Variants in GSTM2 observed in about 807,000 individuals in gnomAD.
The protein encoded by GSTM2 is glutathione S-transferase mu 2.
In GSTM2, 33 loss-of-function variants were observed where a neutral mutation model predicts 33.3. That is an observed-to-expected ratio of 0.99 (90% CI 0.75 to 1.33). GSTM2 has a LOEUF of 1.33. GSTM2 is among the 40% of genes most tolerant of loss of function. The pLI is 0.00. For synonymous variants in GSTM2, 93 were observed against 95.6 expected, an observed-to-expected ratio of 0.97 and a Z score of 0.16; for missense variants, 213 against 265.8, an observed-to-expected ratio of 0.80 and a Z score of 1.38.
chr1:109,673,376 A>T (rs546745440), intron 7 of GSTM2: 1 of 1,226,036 alleles, frequency 8.2e-7, no homozygotes, highest in South Asian at 1.4e-5. Flanking sequence ...TGTGTGCTGA[A>T]CTTGTTTGAG....
At chr1:109,668,846 C>T (rs1204293028) in intron 2 of GSTM2, 79 bp from the exon 3 acceptor site, 1 of 1,557,156 alleles carries the variant, frequency 6.4e-7, no homozygotes, top group Non-Finnish European at 8.8e-7. Flanking sequence ...GGTCTTGCCA[C>T]TGGCTCCTTG....
chr1:109,669,421 CGGCTT>C, intron 4 of GSTM2, 45 bp from the exon 5 acceptor site: 1 of 1,613,282 alleles, frequency 6.2e-7, no homozygotes, highest in Non-Finnish European at 8.5e-7. Flanking sequence ...GCCTCCTCCT[CGGCTT>C]GGCTGGGCTG....
downstream of GSTM2, among the ~76,000 whole-genome samples, chr1:109,680,277 A>G (rs1398737487): frequency 2.1e-5 from 1 of 47,654 alleles, no homozygotes; most frequent in Non-Finnish European, 5.6e-5. Context: ...TAGTACACAT[A>G]GCAAAAAAAA....
Position 109,682,493 on chromosome 1 carries a change from G to A in GSTM2, c.567+10910G>A, listed in dbSNP as rs1235187653. Among the ~76,000 whole-genome samples, 16 of 102,818 alleles carry A rather than the reference G, an allele frequency of 1.6e-4. 3 individuals carry two copies. The highest frequency in any genetic ancestry group is 4.6e-4 in the African/African-American group (16 of 34,910). 67.5% of individuals were successfully genotyped at this position (102,818 alleles called of 152,430 possible). On this transcript the variant is annotated intron_variant, in intron 7 of 7. Transcript: ENST00000369831. ...CTGACCTCGTGATCCGCCCGCCTTG[G>A]CCTCCCAAAGTGTGGGGATTACAGG...
rs767565393 is a variant in GSTM2, at chr1:109,669,534, G to A, written c.323G>A (p.Arg108His). Residue 108 changes from arginine to histidine, a missense_variant, in exon 5 of 8, where the codon CGT (arginine) becomes CAT (histidine). Physicochemically the swap from Arg to His is conservative, Grantham distance 29. Transcript: ENST00000241337. ...DILENQFMDS[R>H]MQLAKLCYDP... ...TTGGAGAACCAGTTTATGGACAGCC[G>A]TATGCAGCTGGCCAAACTCTGCTAT... The A allele has an allele frequency of 6.2e-6, 10 of 1,612,446 alleles. No homozygotes were observed. Among genetic ancestry groups the A allele is most frequent in the African/African-American group, 1.3e-5 (1 of 74,878 alleles).
rs376735138 is a variant in GSTM2 at position 109,674,311 on chromosome 1, A to G, written c.568-436A>G. On this transcript the variant is annotated intron_variant, in intron 7 of 7. Transcript: ENST00000241337. ...GCAGAAGAAGAAGAGAATTTGGCAG[A>G]AAGAGGCCAGAACTGGAGAGAGACA... is the stretch of plus-strand genomic sequence containing the variant. Among the ~76,000 whole-genome samples the G allele has an allele frequency of 4.6e-3, 692 of 149,648 alleles. 22 individuals carry two copies. Among genetic ancestry groups the G allele is most frequent in the African/African-American group, 0.016 (622 of 39,182 alleles).
chr1:109,678,496 C>T (rs1459384378), downstream of GSTM2, among the ~76,000 whole-genome samples: 4 of 152,092 alleles, frequency 2.6e-5, no homozygotes, highest in Admixed American at 2.6e-4. Context: ...AGTGTGATCC[C>T]GGCACTTTGG....
intron 5 of GSTM2, 70 bp downstream of exon 5, chr1:109,669,641 G>T: frequency 2.0e-6 from 2 of 1,012,500 alleles, no homozygotes; most frequent in South Asian, 1.4e-5. Flanking sequence ...TGCAGAGTTT[G>T]TGTCCAAAAT....
At chr1:109,670,397 C>T (rs749635036) in intron 5 of GSTM2, among the ~76,000 whole-genome samples, 1 of 152,146 alleles carries the variant, frequency 6.6e-6, no homozygotes, top group African/African-American at 2.4e-5. Context: ...GCCAAATACA[C>T]GGGTCCTGTT....
At position 109,669,632 on chromosome 1, in the gene GSTM2, G is replaced by C; in HGVS notation, c.360+61G>C. 2.8e-6 allele frequency: 3 copies of C among 1,083,170 alleles called. No homozygotes were observed. In the South Asian group the frequency reaches 4.1e-5, roughly 15 times the overall value. The allele number at this position is 1,083,170 out of a possible 1,614,324, so 67.1% of individuals were successfully genotyped here. Reference sequence around the variant, plus strand: ...CCTACTCCCAGTCTCCCCTTTCCCTGCAGAGTTTGTGTCCAAAATTGATTC... The same window carrying C: ...CCTACTCCCAGTCTCCCCTTTCCCTCCAGAGTTTGTGTCCAAAATTGATTC... On this transcript the variant is annotated intron_variant, in intron 5 of 7. Coordinates refer to ENST00000241337, the MANE Select transcript of GSTM2 (RefSeq NM_000848.4).
At chr1:109,669,165 A>C in intron 3 of GSTM2, 125 bp from the exon 4 acceptor site, 1 of 1,286,362 alleles carries the variant, frequency 7.8e-7, no homozygotes, top group Non-Finnish European at 1.1e-6. Flanking sequence ...TATTAGTGTG[A>C]CAGTATTTCT....
intron 5 of GSTM2, chr1:109,670,892 A>T (rs574344): frequency 0.91 from 160,327 of 175,594 alleles, 73,319 homozygotes; most frequent in East Asian, 1. Flanking sequence ...ATTGTATTCT[A>T]CTGCTGCCCA....
rs1647541394 is a variant in GSTM2 at position 109,671,474 on chromosome 1, T to C, written c.458T>C (p.Ile153Thr). The C allele has an allele frequency of 6.2e-7, 1 of 1,606,112 alleles. No homozygotes were observed. The highest frequency in any genetic ancestry group is 8.5e-7 in the Non-Finnish European group (1 of 1,172,614). ...GKQPWFLGDK[I>T]TFVDFIAYDV... ...CCACATATCCTTGGCCTTATCCAGA[T>C]CACCTTTGTGGATTTCATCGCTTAT... is the stretch of plus-strand genomic sequence containing the variant. Residue 153 changes from isoleucine to threonine, a missense_variant and splice_region_variant, in exon 7 of 8, where the codon ATC becomes ACC. Physicochemically the swap from Ile to Thr is moderately conservative, Grantham distance 89 (BLOSUM62 -1). Coordinates refer to ENST00000241337, the MANE Select transcript of GSTM2 (RefSeq NM_000848.4).
At chr1:109,677,391 A>G (rs1647732130), downstream of GSTM2, among the ~76,000 whole-genome samples, 1 of 152,230 alleles carries the variant, frequency 6.6e-6, no homozygotes, top group African/African-American at 2.4e-5. Context: ...ACTGAAAACA[A>G]TCCAAATTCC....
chr1:109,668,876 G>A, intron 2 of GSTM2, 49 bp from the exon 3 acceptor site: 2 of 1,610,014 alleles, frequency 1.2e-6, no homozygotes, highest in Non-Finnish European at 1.7e-6. Flanking sequence ...CCAGGAAGGA[G>A]GGCTGGGCTT....
chr1:109,674,434 G>C (rs1004116021), intron 7 of GSTM2, among the ~76,000 whole-genome samples: 12 of 152,172 alleles, frequency 7.9e-5, no homozygotes, highest in Admixed American at 7.9e-4. Context: ...GGTGATAATA[G>C]ATTCAGCCTT....
intron 5 of GSTM2, 184 bp from the exon 6 acceptor site, chr1:109,671,103 G>C (rs192092731): frequency 1.7e-6 from 1 of 602,824 alleles, no homozygotes; most frequent in East Asian, 2.8e-5. Context: ...AAAGACTCCA[G>C]CTACCCAGTT....
At chr1:109,673,112 C>T (rs913500621) in intron 7 of GSTM2, 2 of 1,502,646 alleles carry the variant, frequency 1.3e-6, no homozygotes, top group Non-Finnish European at 1.8e-6. Flanking sequence ...TCAGGTGATC[C>T]ACCCACCTCA....
chr1:109,675,704 G>C (rs2101258871), downstream of GSTM2, among the ~76,000 whole-genome samples: 1 of 152,214 alleles, frequency 6.6e-6, no homozygotes, highest in Admixed American at 6.5e-5. Flanking sequence ...GTTTTTCTCA[G>C]ATGGCTTCCA....
Sources: allele counts gnomAD v4.1 joint callset (sites outside exome capture counted in the v4.1 genomes callset), GRCh38; gene constraint gnomAD v4.1.1; transcripts MANE v1.5; gene names NCBI Gene and HGNC (gene_info 2026-07-23, HGNC 2026-07-21).